The following EVI5 variants were observed in gnomAD, a reference collection of about 807,000 sequenced individuals.
EVI5 encodes ecotropic viral integration site 5, also known as ecotropic viral integration site 5 protein homolog.
Under a neutral mutation model 112.0 loss-of-function variants are expected in EVI5, and 73 were observed. The observed-to-expected ratio is 0.65, with a 90% confidence interval of 0.54 to 0.79. The LOEUF (loss-of-function observed/expected upper bound fraction) is 0.79. EVI5 is among the 30% of genes least tolerant of loss of function. The pLI is 0.00. For missense variants in EVI5, 900 were observed against 968.8 expected (o/e 0.93, Z 0.94); for synonymous variants, 305 against 319.9 (o/e 0.95, Z 0.50).
intron 19 of EVI5, among the ~76,000 whole-genome samples, chr1:92,551,775 A>C: frequency 6.6e-6 from 1 of 152,246 alleles, no homozygotes; most frequent in East Asian, 1.9e-4. Flanking sequence ...AATCTGCTTA[A>C]GAATTGCTGT....
chr1:92,684,554 A>T (rs1668174113), intron 9 of EVI5, among the ~76,000 whole-genome samples: 1 of 152,208 alleles, frequency 6.6e-6, no homozygotes, highest in Non-Finnish European at 1.5e-5. Context: ...ACATAACAAT[A>T]TTAACCTTAA....
chr1:92,645,240 T>C (rs534613940), intron 13 of EVI5, among the ~76,000 whole-genome samples: 5 of 152,192 alleles, frequency 3.3e-5, no homozygotes, highest in South Asian at 2.1e-4. Context: ...ACTATCATTA[T>C]AGATAGTTCT....
At chr1:92,681,542 G>A (rs904631036) in intron 9 of EVI5, among the ~76,000 whole-genome samples, 3 of 152,134 alleles carry the variant, frequency 2.0e-5, no homozygotes, top group African/African-American at 7.2e-5. Flanking sequence ...ATGAGCCTTT[G>A]TACCTATTAC....
chr1:92,575,097 T>G (rs549209658), intron 18 of EVI5, among the ~76,000 whole-genome samples: 2 of 152,312 alleles, frequency 1.3e-5, no homozygotes, highest in South Asian at 4.1e-4. Context: ...GTCCATTATT[T>G]TACAACTTAC....
upstream of EVI5, among the ~76,000 whole-genome samples, chr1:92,788,728 A>G (rs974457678): frequency 2.0e-5 from 3 of 152,122 alleles, no homozygotes; most frequent in Non-Finnish European, 4.4e-5. Context: ...CAAGAGGTGG[A>G]GCTTGCAGTG....
intron 18 of EVI5, among the ~76,000 whole-genome samples, chr1:92,587,328 T>C (rs1672963942): frequency 6.8e-6 from 1 of 147,348 alleles, no homozygotes; most frequent in East Asian, 2.0e-4. Context: ...AAATGAAAAA[T>C]ATTTTAATAT....
intron 2 of EVI5, among the ~76,000 whole-genome samples, chr1:92,712,278 C>T (rs979711823): frequency 3.9e-5 from 6 of 152,082 alleles, no homozygotes; most frequent in African/African-American, 1.4e-4. Context: ...CAGGAAACAA[C>T]TCAGAGACAA....
At chr1:92,690,095 C>A (rs185774983) in intron 9 of EVI5, among the ~76,000 whole-genome samples, 389 of 152,192 alleles carry the variant, frequency 2.6e-3, no homozygotes, top group Non-Finnish European at 3.7e-3. Flanking sequence ...CCAGGCTGGT[C>A]TCAAACTCCC....
At chr1:92,634,689 A>T (rs1658336047) in intron 14 of EVI5, among the ~76,000 whole-genome samples, 3 of 152,168 alleles carry the variant, frequency 2.0e-5, no homozygotes, top group Admixed American at 1.3e-4. Context: ...CGTCAAAGTC[A>T]TTCTCCATTC....
intron 18 of EVI5, among the ~76,000 whole-genome samples, chr1:92,579,969 C>T (rs573722999): frequency 6.6e-6 from 1 of 152,226 alleles, no homozygotes; most frequent in South Asian, 2.1e-4. Context: ...TAAACAATGA[C>T]TCAGGGAGAA....
chr1:92,544,982 G>A (rs1665439449), intron 19 of EVI5, among the ~76,000 whole-genome samples: 3 of 152,190 alleles, frequency 2.0e-5, no homozygotes, highest in South Asian at 2.1e-4. Flanking sequence ...TAGCTGTCCA[G>A]CTTGTGGGGA....
intron 1 of EVI5, among the ~76,000 whole-genome samples, chr1:92,781,507 A>AT (rs993304705): frequency 6.7e-6 from 1 of 149,578 alleles, no homozygotes; most frequent in African/African-American, 2.5e-5. Flanking sequence ...AAAAAAAAAA[A>AT]TTTTTTTTGC....
intron 18 of EVI5, among the ~76,000 whole-genome samples, chr1:92,571,527 C>T (rs187164930): frequency 1.3e-5 from 2 of 152,204 alleles, no homozygotes; most frequent in Admixed American, 1.3e-4. Context: ...ACATTTTATG[C>T]TCTCATTTAA....
chr1:92,614,829 T>C (rs1652665900), intron 16 of EVI5, among the ~76,000 whole-genome samples: 1 of 68,256 alleles, frequency 1.5e-5, no homozygotes, highest in South Asian at 6.8e-4. Context: ...ACATGTATTT[T>C]ATGTTATATT....
At chr1:92,740,699 A>G (rs1570699446) in intron 1 of EVI5, among the ~76,000 whole-genome samples, 1 of 152,230 alleles carries the variant, frequency 6.6e-6, no homozygotes, top group Non-Finnish European at 1.5e-5. Context: ...ATATTTACTG[A>G]GTATTCTGTG....
intron 13 of EVI5, among the ~76,000 whole-genome samples, chr1:92,638,058 T>A (rs1418644152): frequency 6.6e-6 from 1 of 152,216 alleles, no homozygotes; most frequent in Non-Finnish European, 1.5e-5. Context: ...ATCACAGTTA[T>A]TTCGTGGGTA....
chr1:92,715,981 C>A (rs1410450857), intron 2 of EVI5, among the ~76,000 whole-genome samples: 1 of 152,100 alleles, frequency 6.6e-6, no homozygotes, highest in African/African-American at 2.4e-5. Context: ...TCGGAGCCCA[C>A]CAAAGTGCTG....
Position 92,694,350 on chromosome 1 carries a change from A to T in EVI5, c.948T>A (p.Leu316=), listed in dbSNP as rs1447581412. The change falls in exon 8 of 20, where the codon CTT becomes CTA. Residue 316 remains leucine (L), a synonymous_variant. Coordinates refer to ENST00000684568, the MANE Select transcript of EVI5 (RefSeq NM_001350197.2). ...GCATCAGTTCTGCCTGATTCATCTG[A>T]AGAAGTGCTAATCCTACACGAAACA... The part of the protein sequence containing the change: ...EIVFRVGLAL[L]QMNQAELMQL... 2 of 1,607,002 alleles carry T rather than the reference A, an allele frequency of 1.2e-6. No homozygotes were observed. Among genetic ancestry groups the T allele is most frequent in the East Asian group, 4.5e-5 (2 of 44,846 alleles).
intron 18 of EVI5, among the ~76,000 whole-genome samples, chr1:92,589,778 A>G (rs964465014): frequency 1.3e-5 from 2 of 152,232 alleles, no homozygotes; most frequent in Non-Finnish European, 2.9e-5. Flanking sequence ...CGGTTCTCCC[A>G]GCACGCAGCT....
Sources: gnomAD v4.1 joint callset for allele counts (sites outside exome capture counted in the v4.1 genomes callset) on GRCh38, gnomAD v4.1.1 for gene constraint, MANE v1.5 for transcripts, NCBI Gene and HGNC (gene_info 2026-07-23, HGNC 2026-07-21) for gene names.